The following CFAP20DC variants were observed in gnomAD, a reference collection of about 807,000 sequenced individuals.
CFAP20DC encodes the protein protein CFAP20DC.
In CFAP20DC, 84 loss-of-function variants were observed where a neutral mutation model predicts 101.7. That is an observed-to-expected ratio of 0.83 (90% confidence interval 0.69 to 0.99). The LOEUF (loss-of-function observed/expected upper bound fraction) is 0.99. Ranked by LOEUF, CFAP20DC falls within the 50% of genes least tolerant of loss-of-function variation. The pLI is 0.00. For missense variants in CFAP20DC, 1,007 were observed against 970.3 expected, an observed-to-expected ratio of 1.04 and a Z score of -0.50; for synonymous variants, 359 against 351.2, an observed-to-expected ratio of 1.02 and a Z score of -0.25.
intron 5 of CFAP20DC, among the ~76,000 whole-genome samples, chr3:58,936,592 C>A (rs2087669823): frequency 6.6e-6 from 1 of 152,096 alleles, no homozygotes; most frequent in Non-Finnish European, 1.5e-5. Context: ...TACTATGCAG[C>A]CATAAAAAAT....
chr3:58,728,399 T>A lies in CFAP20DC; in HGVS notation c.198-10771A>T, dbSNP rs796745268. ...AAAGTTGGTTGTTCCATGGGATTTA[T>A]GCCAAAGACTAAAGAATTTTGATGT... On this transcript the variant is annotated intron_variant, in intron 3 of 3. Transcript: ENST00000486145. The surrounding 1 kb of genome is among the most constrained non-coding windows in gnomAD (Gnocchi z 4.7). Among the ~76,000 whole-genome samples, 4 of 152,364 alleles carry A rather than the reference T, an allele frequency of 2.6e-5. No individual in the cohort carries two copies. The highest frequency in any genetic ancestry group is 9.6e-5 in the African/African-American group (4 of 41,594).
intron 5 of CFAP20DC, among the ~76,000 whole-genome samples, chr3:58,936,805 G>A (rs1051765065): frequency 6.6e-6 from 1 of 152,076 alleles, no homozygotes; most frequent in Non-Finnish European, 1.5e-5. Context: ...GATAGCTTTA[G>A]GAGATATACC....
chr3:58,781,274 A>G (rs1264525172), intron 15 of CFAP20DC, among the ~76,000 whole-genome samples: 1 of 152,044 alleles, frequency 6.6e-6, no homozygotes, highest in Non-Finnish European at 1.5e-5. Context: ...AACCTATGGA[A>G]TACAGCAAAA....
chr3:58,840,454 A>T (rs1559681256), intron 13 of CFAP20DC, among the ~76,000 whole-genome samples: 1 of 152,218 alleles, frequency 6.6e-6, no homozygotes, highest in Non-Finnish European at 1.5e-5. Context: ...CCGGGAAATT[A>T]TCAGATAGAC....
chr3:58,885,544 C>T (rs1009932102), intron 6 of CFAP20DC, among the ~76,000 whole-genome samples: 1 of 151,682 alleles, frequency 6.6e-6, no homozygotes, highest in Non-Finnish European at 1.5e-5. Context: ...CTATAGTCCT[C>T]TTACAGTGGT....
At chr3:58,898,909 T>C (rs970423816) in intron 6 of CFAP20DC, among the ~76,000 whole-genome samples, 1 of 132,894 alleles carries the variant, frequency 7.5e-6, no homozygotes, top group African/African-American at 3.5e-5. Context: ...TTTCTCTTTG[T>C]TTTTTTTTTT....
At chr3:58,996,074 T>A (rs552314369) in intron 4 of CFAP20DC, among the ~76,000 whole-genome samples, 7 of 151,938 alleles carry the variant, frequency 4.6e-5, no homozygotes, top group African/African-American at 1.7e-4. Context: ...ACTAATTTCA[T>A]GTTAAATTGC....
At chr3:58,948,898 G>A (rs1186165523) in intron 4 of CFAP20DC, among the ~76,000 whole-genome samples, 6 of 152,238 alleles carry the variant, frequency 3.9e-5, no homozygotes, top group African/African-American at 1.2e-4. Context: ...GGTAGAATTC[G>A]GCTGTGAATC....
intron 15 of CFAP20DC, among the ~76,000 whole-genome samples, chr3:58,759,971 T>A (rs1325044195): frequency 6.6e-6 from 1 of 152,232 alleles, no homozygotes; most frequent in Non-Finnish European, 1.5e-5. Context: ...GGTAGCATGA[T>A]GCCTCCAGCT....
At chr3:58,895,352 A>C (rs2082583090) in intron 6 of CFAP20DC, among the ~76,000 whole-genome samples, 1 of 152,202 alleles carries the variant, frequency 6.6e-6, no homozygotes, top group African/African-American at 2.4e-5. Context: ...TGCTGCTTAG[A>C]AATTTCTTCC....
In CFAP20DC at chr3:58,894,609, CTG is replaced by C. The variant is rs1277455453; in HGVS notation, c.551-9902_551-9901del. Among the ~76,000 whole-genome samples the C allele has an allele frequency of 2.0e-5, 3 of 152,196 alleles. No individual in the cohort carries two copies. Among genetic ancestry groups the C allele is most frequent in the Non-Finnish European group, 4.4e-5 (3 of 68,038 alleles). ...AGATGCTTTCATGGGCTGGCACTGTCTGTGGGTTTTCCAGGCACACAGTGCAA... is the reference window on the plus strand; with the variant it reads ...AGATGCTTTCATGGGCTGGCACTGTCTGGGTTTTCCAGGCACACAGTGCAA... On this transcript the variant is annotated intron_variant, in intron 6 of 16. Coordinates refer to ENST00000482387, the MANE Select transcript of CFAP20DC (RefSeq NM_001394063.1). This position sits in a 1 kb window ranked among gnomAD's most constrained non-coding sequence, Gnocchi z 4.1.
chr3:58,941,342 AAAAAAAAAAAAAAAG>A (rs2088549888), intron 4 of CFAP20DC, among the ~76,000 whole-genome samples: 1 of 150,366 alleles, frequency 6.7e-6, no homozygotes, highest in Non-Finnish European at 1.5e-5. Context: ...AAAAAAAAAA[AAAAAAAAAAAAAAAG>A]AAAATTTCAC....
At chr3:58,778,649 G>T (rs1391986166) in intron 15 of CFAP20DC, among the ~76,000 whole-genome samples, 1 of 152,178 alleles carries the variant, frequency 6.6e-6, no homozygotes, top group Non-Finnish European at 1.5e-5. Context: ...CCACTTAGAG[G>T]CCCAAGAATT....
intron 4 of CFAP20DC, among the ~76,000 whole-genome samples, chr3:59,039,214 A>G (rs1216514456): frequency 6.6e-6 from 1 of 152,132 alleles, no homozygotes; most frequent in Non-Finnish European, 1.5e-5. Context: ...AGTTTTGAAT[A>G]GCAGACCGTA....
At chr3:58,936,883 C>G (rs559805549) in intron 5 of CFAP20DC, among the ~76,000 whole-genome samples, 1 of 151,354 alleles carries the variant, frequency 6.6e-6, no homozygotes, top group African/African-American at 2.4e-5. Context: ...TGTAACTAAC[C>G]TGCACATTGT....
intron 4 of CFAP20DC, among the ~76,000 whole-genome samples, chr3:58,954,842 G>A (rs1173412550): frequency 2.0e-5 from 3 of 151,952 alleles, no homozygotes; most frequent in African/African-American, 7.2e-5. Context: ...TTACACCTAT[G>A]ATTTTAAATT....
chr3:58,954,754 G>C (rs1480336283), intron 4 of CFAP20DC, among the ~76,000 whole-genome samples: 1 of 152,038 alleles, frequency 6.6e-6, no homozygotes, highest in African/African-American at 2.4e-5. Context: ...CTGAACCCAA[G>C]ACACTTTAGT....
At chr3:58,846,704 C>G (rs1575891364) in intron 13 of CFAP20DC, among the ~76,000 whole-genome samples, 1 of 151,286 alleles carries the variant, frequency 6.6e-6, no homozygotes, top group East Asian at 2.0e-4. Flanking sequence ...CCCGCATCGC[C>G]AAGTCAATCC....
At position 58,835,019 on chromosome 3, in the gene CFAP20DC, C is replaced by T. The variant is rs182274627; in HGVS notation, c.1972-3130G>A. ...CACACTTTCAGGGATGAGCACAGCC[C>T]TCTTAAGAGACTGCTGAGTTGGCAG... On this transcript the variant is annotated intron_variant, in intron 13 of 16. Transcript: ENST00000482387. Among the ~76,000 whole-genome samples the T allele has an allele frequency of 2.0e-5, 3 of 152,200 alleles. No homozygotes were observed. The East Asian group carries it at 5.8e-4, about 29-fold the overall frequency.
Sources: gnomAD v4.1 joint callset for allele counts (sites outside exome capture counted in the v4.1 genomes callset) on GRCh38, gnomAD v4.1.1 for gene constraint, Gnocchi (gnomAD v3.1) non-coding constraint, MANE v1.5 for transcripts, NCBI Gene and HGNC (gene_info 2026-07-23, HGNC 2026-07-21) for gene names.